Variants in TGFBI observed in about 807,000 individuals in gnomAD.
TGFBI encodes transforming growth factor beta induced, also known as transforming growth factor-beta-induced protein ig-h3.
A neutral mutation model predicts 73.7 loss-of-function variants in TGFBI; 50 were observed. That is an observed-to-expected ratio of 0.68 (90% confidence interval 0.54 to 0.86). The LOEUF is 0.86. Ranked by LOEUF, TGFBI falls within the 40% of genes least tolerant of loss-of-function variation. The probability of loss-of-function intolerance (pLI) is 0.00; values close to 1 mark genes in which losing one functional copy is unlikely to be tolerated. For missense variants in TGFBI, 839 were observed against 877.0 expected (o/e 0.96, Z 0.55); for synonymous variants, 362 against 360.5 (o/e 1.00, Z -0.05).
intron 6 of TGFBI, 171 bp from the exon 7 acceptor site, chr5:136,049,268 G>A: frequency 2.5e-6 from 2 of 805,752 alleles, no homozygotes; most frequent in Non-Finnish European, 3.7e-6. Context: ...GGCCCAGCAA[G>A]GCCCCCTGGG....
intron 15 of TGFBI, 63 bp downstream of exon 15, chr5:136,061,642 G>T (rs754153221): frequency 7.2e-7 from 1 of 1,394,064 alleles, no homozygotes; most frequent in South Asian, 1.2e-5. Context: ...TTGGGCCATA[G>T]AGGAGCCTCT....
In TGFBI at chr5:136,046,540, C is replaced by T. The variant is rs186654392; in HGVS notation, c.459+45C>T. On this transcript the variant is annotated intron_variant, in intron 4 of 16. Transcript: ENST00000442011. ...CCCGGGGGACTCTTATGGGGAACTG[C>T]CTTACTTCCCCGAGGGGTGGGCATG... 8.2e-5 allele frequency: 127 copies of T among 1,539,594 alleles called. No homozygotes were observed. The East Asian group carries it at 3.0e-3, about 36-fold the overall frequency.
chr5:136,058,459 AGACACT>A (rs1356661141), intron 12 of TGFBI, among the ~76,000 whole-genome samples: 1 of 152,094 alleles, frequency 6.6e-6, no homozygotes, highest in African/African-American at 2.4e-5. Context: ...CAGTTGCTGG[AGACACT>A]GATGTGGGCT....
chr5:136,049,240 C>A, intron 6 of TGFBI, 199 bp from the exon 7 acceptor site: 1 of 581,292 alleles, frequency 1.7e-6, no homozygotes, highest in Non-Finnish European at 2.9e-6. Context: ...GAAAGATGGC[C>A]AGGCTGGCTG....
chr5:136,058,871 T>G, intron 12 of TGFBI: 4 of 486,418 alleles, frequency 8.2e-6, no homozygotes, highest in East Asian at 3.6e-5. Context: ...CTGGGGCAGA[T>G]TTGTGGTCAT....
rs1040693236 is a variant in TGFBI at position 136,063,749 on chromosome 5, T to G, written c.*523T>G. On this transcript the variant is annotated 3_prime_UTR_variant, in exon 17 of 17. Coordinates refer to ENST00000442011, the MANE Select transcript of TGFBI (RefSeq NM_000358.3). ...CTGTCCAGGTAGAAAAGAAATGGTATGTAGAGCTTAGATTTCCCTATTGTG... is the reference window on the plus strand; with the variant it reads ...CTGTCCAGGTAGAAAAGAAATGGTAGGTAGAGCTTAGATTTCCCTATTGTG... The G allele has an allele frequency of 6.1e-6, 1 of 164,742 alleles. No individual in the cohort carries two copies. The highest frequency in any genetic ancestry group is 6.0e-5 in the Admixed American group (1 of 16,780). The allele number at this position is 164,742 out of a possible 1,614,324, so 10.2% of individuals were successfully genotyped here.
chr5:136,035,486 G>A (rs754305990), intron 2 of TGFBI, among the ~76,000 whole-genome samples: 4 of 151,868 alleles, frequency 2.6e-5, no homozygotes, highest in South Asian at 2.1e-4. Flanking sequence ...ATTAGCGGGC[G>A]TGGTGGCGGG....
rs748702224 is a variant in TGFBI at position 136,054,715 on chromosome 5, G to T, written c.1265-1G>T. 3.1e-6 allele frequency: 5 copies of T among 1,613,926 alleles called. No individual in the cohort carries two copies. The highest frequency in any genetic ancestry group is 4.2e-6 in the Non-Finnish European group (5 of 1,179,884). On this transcript the variant is annotated splice_acceptor_variant, in intron 9 of 16. Transcript: ENST00000442011. LOFTEE classifies it high-confidence loss of function. ...GACCTAACCATCACCCTTTCTTGTAGATGGAACCCCTCCAATTGATGCCCA... is the reference window on the plus strand; with the variant it reads ...GACCTAACCATCACCCTTTCTTGTATATGGAACCCCTCCAATTGATGCCCA...
In TGFBI at chr5:136,029,093, C is replaced by G; in HGVS notation, c.38C>G (p.Ala13Gly). 6.5e-7 allele frequency: 1 copy of G among 1,527,512 alleles called. No individual in the cohort carries two copies. The highest frequency in any genetic ancestry group is 8.7e-7 in the Non-Finnish European group (1 of 1,144,202). The allele number at this position is 1,527,512 out of a possible 1,614,324, so 94.6% of individuals were successfully genotyped here. Residue 13 changes from alanine (A) to glycine (G), a missense_variant, in exon 1 of 17, where the codon GCT (alanine) becomes GGT (glycine). Transcript: ENST00000442011. ...LFVRLLALAL[A>G]LALGPAATLA... Reference sequence around the variant, plus strand: ...GTGCGGCTGCTGGCTCTCGCCCTGGCTCTGGCCCTGGGCCCCGCCGCGACC... The same window carrying G: ...GTGCGGCTGCTGGCTCTCGCCCTGGGTCTGGCCCTGGGCCCCGCCGCGACC...
intron 5 of TGFBI, 69 bp from the exon 6 acceptor site, chr5:136,047,205 C>T (rs1751445383): frequency 6.3e-7 from 1 of 1,589,678 alleles, no homozygotes; most frequent in African/African-American, 1.3e-5. Context: ...ACACTGTTTT[C>T]TCCTCCCGGG....
At chr5:136,059,834 A>G (rs1466370298) in intron 13 of TGFBI, among the ~76,000 whole-genome samples, 1 of 152,176 alleles carries the variant, frequency 6.6e-6, no homozygotes, top group Non-Finnish European at 1.5e-5. Flanking sequence ...TCAGCCATCC[A>G]TTGCTCACCA....
chr5:136,056,710 C>T lies in TGFBI; in HGVS notation c.1593C>T (p.Leu531=), dbSNP rs1751638990. ...AGTCTGCAGGACTGACGGAGACCCT[C>T]AACCGGGAAGGAGTCTACACAGTCT... ...AIQSAGLTET[L]NREGVYTVFA... is the part of the protein sequence containing the mutation. Residue 531 remains leucine, a synonymous_variant, in exon 12 of 17, where the codon CTC becomes CTT. Transcript: ENST00000442011. 3 of 1,613,894 alleles carry T rather than the reference C, an allele frequency of 1.9e-6. No homozygotes were observed. The highest frequency in any genetic ancestry group is 2.7e-5 in the African/African-American group (2 of 74,992).
At chr5:136,057,896 T>G (rs1439343883) in intron 12 of TGFBI, among the ~76,000 whole-genome samples, 1 of 152,210 alleles carries the variant, frequency 6.6e-6, no homozygotes, top group East Asian at 1.9e-4. Context: ...ATCCTCTCTC[T>G]GTCCAGCAAG....
intron 8 of TGFBI, 130 bp from the exon 9 acceptor site, chr5:136,053,813 A>T: frequency 1.5e-6 from 2 of 1,343,900 alleles, no homozygotes; most frequent in Non-Finnish European, 2.0e-6. Flanking sequence ...GCTGGGCCCC[A>T]GCAGTGTTTA....
rs1407198225 is a variant in TGFBI at position 136,033,833 on chromosome 5, T to A, written c.205T>A (p.Tyr69Asn). Residue 69 changes from tyrosine (Y) to asparagine (N), a missense_variant, in exon 2 of 17, where the codon TAC becomes AAC. Tyr to Asn is a moderately radical substitution (Grantham distance 143). Coordinates refer to ENST00000442011, the MANE Select transcript of TGFBI (RefSeq NM_000358.3). ...RKYFTNCKQW[Y>N]QRKICGKSTV... ...GTACTTCACCAACTGCAAGCAGTGGTACCAAAGGAAAATCTGTGGCAAATC... is the reference window on the plus strand; with the variant it reads ...GTACTTCACCAACTGCAAGCAGTGGAACCAAAGGAAAATCTGTGGCAAATC... 6.2e-7 allele frequency: 1 copy of A among 1,613,744 alleles called. No individual in the cohort carries two copies. The highest frequency in any genetic ancestry group is 8.5e-7 in the Non-Finnish European group (1 of 1,179,834).
rs1751734870 is a variant in TGFBI, at chr5:136,060,851, T to C, written c.1821T>C (p.Ser607=). The C allele has an allele frequency of 6.2e-7, 1 of 1,601,722 alleles. No individual in the cohort carries two copies. The highest frequency in any genetic ancestry group is 2.2e-5 in the East Asian group (1 of 44,660). ...TCTTTTAGAAAAACAATGTGGTGAG[T>C]GTCAACAAGGAGCCTGTTGCCGAGC... ...LEVSLKNNVV[S]VNKEPVAEPD... The change falls in exon 14 of 17, where the codon AGT becomes AGC. Residue 607 remains serine (S), a synonymous_variant. Transcript: ENST00000442011.
At chr5:136,035,164 C>A (rs1252739245) in intron 2 of TGFBI, among the ~76,000 whole-genome samples, 2 of 152,150 alleles carry the variant, frequency 1.3e-5, no homozygotes, top group Non-Finnish European at 2.9e-5. Context: ...TTGCTCCATG[C>A]CTGATTGACA....
At chr5:136,056,539 A>C in intron 11 of TGFBI, 126 bp from the exon 12 acceptor site, 1 of 1,289,064 alleles carries the variant, frequency 7.8e-7, no homozygotes, top group Non-Finnish European at 1.1e-6. Context: ...AGGTGTGTGC[A>C]TTCCAGTGGC....
At chr5:136,049,686 C>G in intron 7 of TGFBI, 106 bp downstream of exon 7, 4 of 1,371,260 alleles carry the variant, frequency 2.9e-6, no homozygotes, top group Admixed American at 2.1e-5. Flanking sequence ...AGGTGACCCT[C>G]AGGATATCCA....
Sources: allele counts gnomAD v4.1 joint callset (sites outside exome capture counted in the v4.1 genomes callset), GRCh38; gene constraint gnomAD v4.1.1; transcripts MANE v1.5; gene names NCBI Gene and HGNC (gene_info 2026-07-23, HGNC 2026-07-21).